The following HBD variants were observed in gnomAD, a reference collection of about 807,000 sequenced individuals.
HBD encodes delta globin.
HBD carries 11 observed loss-of-function variants against 9.2 expected under a neutral mutation model. The observed-to-expected ratio is 1.20, with a 90% CI of 0.76 to 1.99. The LOEUF is 1.99. Among genes scored for constraint, HBD ranks in the 30% most tolerant of loss-of-function variants. HBD has a pLI of 0.00. For synonymous variants in HBD, 83 were observed against 69.4 expected, an observed-to-expected ratio of 1.20 and a Z score of -0.98; for missense variants, 189 against 174.3, an observed-to-expected ratio of 1.08 and a Z score of -0.47.
At chr11:5,233,333 A>G (rs1168836666) in intron 2 of HBD, among the ~76,000 whole-genome samples, 1 of 152,216 alleles carries the variant, frequency 6.6e-6, no homozygotes, top group Non-Finnish European at 1.5e-5. Flanking sequence ...CATATATGCT[A>G]TATATGCTGT....
chr11:5,233,949 T>G, intron 2 of HBD, 42 bp downstream of exon 2: 2 of 1,574,106 alleles, frequency 1.3e-6, no homozygotes, highest in Non-Finnish European at 1.7e-6. Context: ...AATGTAAGAT[T>G]AGAAAGTAAA....
At chr11:5,233,264 CAT>C (rs113846417) in intron 2 of HBD, among the ~76,000 whole-genome samples, 172 bp from the exon 3 acceptor site, 2,269 of 152,112 alleles carry the variant, frequency 0.015, 34 homozygotes, top group African/African-American at 0.042. Flanking sequence ...ATACATATAA[CAT>C]ATATCTATAC....
chr11:5,234,360 C>T lies in HBD; in HGVS notation c.74G>A (p.Gly25Asp), dbSNP rs34460332. Residue 25 changes from glycine (G) to aspartate (D), a missense_variant, in exon 1 of 3, where the codon GGT becomes GAT. Physicochemically the swap from Gly to Asp is moderately conservative, Grantham distance 94 (BLOSUM62 -1). Coordinates refer to ENST00000650601, the MANE Select transcript of HBD (RefSeq NM_000519.4). ...LWGKVNVDAV[G>D]GEALGRLLVV... ...TACCAACCTGCCCAGGGCCTCACCA[C>T]CAACTGCATCCACGTTCACTTTGCC... The T allele has an allele frequency of 6.2e-7, 1 of 1,613,948 alleles. No individual in the cohort carries two copies. Among genetic ancestry groups the T allele is most frequent in the Non-Finnish European group, 8.5e-7 (1 of 1,179,842 alleles).
In HBD at chr11:5,234,384, C is replaced by T. The variant is rs1172700897; in HGVS notation, c.50G>A (p.Gly17Asp). ...ACCAACTGCATCCACGTTCACTTTG[C>T]CCCACAGGGCATTGACAGCAGTCTT... ...EEKTAVNALW[G>D]KVNVDAVGGE... Residue 17 changes from glycine (G) to aspartate (D), a missense_variant, in exon 1 of 3, where the codon GGC becomes GAC. Coordinates refer to ENST00000650601, the MANE Select transcript of HBD (RefSeq NM_000519.4). The T allele has an allele frequency of 1.2e-6, 2 of 1,614,022 alleles. No homozygotes were observed. The highest frequency in any genetic ancestry group is 1.7e-6 in the Non-Finnish European group (2 of 1,179,892).
Position 5,234,184 on chromosome 11 carries a change from C to G in HBD, c.122G>C (p.Arg41Thr). 1.9e-6 allele frequency: 3 copies of G among 1,614,120 alleles called. No homozygotes were observed. Among genetic ancestry groups the G allele is most frequent in the Non-Finnish European group, 2.5e-6 (3 of 1,179,976 alleles). ...CAGATCCCCAAAGGACTCAAAGAAC[C>G]TCTGGGTCCAAGGGTAGACCACCAG... is the stretch of plus-strand genomic sequence containing the variant. ...RLLVVYPWTQ[R>T]FFESFGDLSS... Residue 41 changes from arginine (R) to threonine (T), a missense_variant, in exon 2 of 3, where the codon AGG becomes ACG. Coordinates refer to ENST00000650601, the MANE Select transcript of HBD (RefSeq NM_000519.4).
intron 1 of HBD, 35 bp from the exon 2 acceptor site, chr11:5,234,248 T>A: frequency 6.2e-7 from 1 of 1,600,190 alleles, no homozygotes; most frequent in Non-Finnish European, 8.6e-7. Flanking sequence ...GGACAGAGAG[T>A]CAGTGCCTAT....
Position 5,234,480 on chromosome 11 carries a change from G to T in HBD, c.-47C>A. 2 of 1,398,436 alleles carry T rather than the reference G, an allele frequency of 1.4e-6. No individual in the cohort carries two copies. The highest frequency in any genetic ancestry group is 2.0e-6 in the Non-Finnish European group (2 of 983,222). The allele number at this position is 1,398,436 out of a possible 1,614,324, so 86.6% of individuals were successfully genotyped here. ...GTGAACACTGTTATGTCAGAAGAAA[G>T]TGTAAGCAACAGTCGACTCTGCCCT... On this transcript the variant is annotated 5_prime_UTR_variant, in exon 1 of 3. Coordinates refer to ENST00000650601, the MANE Select transcript of HBD (RefSeq NM_000519.4).
chr11:5,234,094 G>T lies in HBD; in HGVS notation c.212C>A (p.Ala71Asp), dbSNP rs63750423. 1.2e-6 allele frequency: 2 copies of T among 1,614,026 alleles called. No homozygotes were observed. Among genetic ancestry groups the T allele is most frequent in the Non-Finnish European group, 1.7e-6 (2 of 1,179,996 alleles). ...CAGGTGAGCCAGGCCATCACTAAAGGCACCTAGCACCTTCTTGCCATGAGC... is the reference window on the plus strand; with the variant it reads ...CAGGTGAGCCAGGCCATCACTAAAGTCACCTAGCACCTTCTTGCCATGAGC... ...VKAHGKKVLG[A>D]FSDGLAHLDN... Residue 71 changes from alanine to aspartate, a missense_variant, in exon 2 of 3, where the codon GCC becomes GAC. Ala to Asp is a moderately radical substitution (Grantham distance 126). Transcript: ENST00000650601.
Position 5,234,365 on chromosome 11 carries a change from T to G in HBD, c.69A>C (p.Ala23=), listed in dbSNP as rs1227500842. 2 of 1,613,936 alleles carry G rather than the reference T, an allele frequency of 1.2e-6. No individual in the cohort carries two copies. Among genetic ancestry groups the G allele is most frequent in the Non-Finnish European group, 1.7e-6 (2 of 1,179,848 alleles). The change falls in exon 1 of 3, where the codon GCA becomes GCC. Residue 23 remains alanine, a synonymous_variant. Coordinates refer to ENST00000650601, the MANE Select transcript of HBD (RefSeq NM_000519.4). Reference sequence around the variant, plus strand: ...ACCTGCCCAGGGCCTCACCACCAACTGCATCCACGTTCACTTTGCCCCACA... The same window carrying G: ...ACCTGCCCAGGGCCTCACCACCAACGGCATCCACGTTCACTTTGCCCCACA... ...NALWGKVNVD[A]VGGEALGRLL...
Position 5,234,366 on chromosome 11 carries a change from G to T in HBD, c.68C>A (p.Ala23Glu), listed in dbSNP as rs35395083. The T allele has an allele frequency of 1.5e-5, 24 of 1,613,674 alleles. 1 individual carries two copies. The African/African-American group carries it at 2.8e-4, about 19-fold the overall frequency. ...NALWGKVNVD[A>E]VGGEALGRLL... ...CCTGCCCAGGGCCTCACCACCAACT[G>T]CATCCACGTTCACTTTGCCCCACAG... is the stretch of plus-strand genomic sequence containing the variant. Residue 23 changes from alanine to glutamate, a missense_variant, in exon 1 of 3, where the codon GCA becomes GAA. Transcript: ENST00000650601.
intron 2 of HBD, 78 bp downstream of exon 2, chr11:5,233,913 G>A: frequency 8.5e-7 from 1 of 1,179,042 alleles, no homozygotes; most frequent in Non-Finnish European, 1.3e-6. Context: ...AAATGTGGGA[G>A]AAGAGCAGGT....
intron 2 of HBD, among the ~76,000 whole-genome samples, chr11:5,233,545 TTTCCA>T (rs1564878835): frequency 6.6e-6 from 1 of 152,200 alleles, no homozygotes; most frequent in Non-Finnish European, 1.5e-5. Flanking sequence ...TTCACTTTCC[TTTCCA>T]TTCCATTTAC....
In HBD at chr11:5,234,469, G is replaced by T; in HGVS notation, c.-36C>A. ...TGAGGTTGCTAGTGAACACTGTTAT[G>T]TCAGAAGAAAGTGTAAGCAACAGTC... On this transcript the variant is annotated 5_prime_UTR_variant, in exon 1 of 3. Coordinates refer to ENST00000650601, the MANE Select transcript of HBD (RefSeq NM_000519.4). 6.8e-7 allele frequency: 1 copy of T among 1,473,858 alleles called. No homozygotes were observed. The highest frequency in any genetic ancestry group is 9.5e-7 in the Non-Finnish European group (1 of 1,052,140). The allele number at this position is 1,473,858 out of a possible 1,614,324, so 91.3% of individuals were successfully genotyped here.
At chr11:5,233,125 T>C (rs1412601849) in intron 2 of HBD, 33 bp from the exon 3 acceptor site, 1 of 1,612,832 alleles carries the variant, frequency 6.2e-7, no homozygotes, top group African/African-American at 1.3e-5. Flanking sequence ...TACATGCATA[T>C]GGTTAACAGA....
At chr11:5,233,174 C>G (rs1286924798) in intron 2 of HBD, 82 bp from the exon 3 acceptor site, 1 of 1,490,428 alleles carries the variant, frequency 6.7e-7, no homozygotes, top group Non-Finnish European at 9.3e-7. Context: ...AGCCAACACC[C>G]ATTTTTTTCT....
chr11:5,234,369 T>C lies in HBD; in HGVS notation c.65A>G (p.Asp22Gly). 1 of 1,614,014 alleles carries C rather than the reference T, an allele frequency of 6.2e-7. No individual in the cohort carries two copies. Among genetic ancestry groups the C allele is most frequent in the Middle Eastern group, 1.7e-4 (1 of 6,060 alleles). The change falls in exon 1 of 3, where the codon GAT (aspartate) becomes GGT (glycine). Residue 22 changes from aspartate (D) to glycine (G), a missense_variant. By Grantham distance (94) the Asp-to-Gly change is moderately conservative (BLOSUM62 -1). Coordinates refer to ENST00000650601, the MANE Select transcript of HBD (RefSeq NM_000519.4). ...VNALWGKVNV[D>G]AVGGEALGRL... ...GCCCAGGGCCTCACCACCAACTGCA[T>C]CCACGTTCACTTTGCCCCACAGGGC...
Position 5,234,481 on chromosome 11 carries a change from T to C in HBD, c.-48A>G. 1 of 1,377,148 alleles carries C rather than the reference T, an allele frequency of 7.3e-7. No individual in the cohort carries two copies. The highest frequency in any genetic ancestry group is 1.0e-6 in the Non-Finnish European group (1 of 963,764). The allele number at this position is 1,377,148 out of a possible 1,614,324, so 85.3% of individuals were successfully genotyped here. ...TGAACACTGTTATGTCAGAAGAAAG[T>C]GTAAGCAACAGTCGACTCTGCCCTG... On this transcript the variant is annotated 5_prime_UTR_variant, in exon 1 of 3. Transcript: ENST00000650601.
intron 2 of HBD, 46 bp downstream of exon 2, chr11:5,233,945 A>G: frequency 6.4e-7 from 1 of 1,564,628 alleles, no homozygotes; most frequent in Admixed American, 1.7e-5. Flanking sequence ...CCAAAATGTA[A>G]GATTAGAAAG....
rs904259370 is a variant in HBD at position 5,232,874 on chromosome 11, C to T, written c.*90G>A. On this transcript the variant is annotated 3_prime_UTR_variant, in exon 3 of 3. Transcript: ENST00000650601. ...ATTCTTTATTAGGCAGAAGCCATAC[C>T]CTTGAAGTAGGCATTGTGTTCCCAA... 1 of 1,612,302 alleles carries T rather than the reference C, an allele frequency of 6.2e-7. No individual in the cohort carries two copies. Among genetic ancestry groups the T allele is most frequent in the Non-Finnish European group, 8.5e-7 (1 of 1,178,432 alleles).
Sources: gnomAD v4.1 joint callset for allele counts (sites outside exome capture counted in the v4.1 genomes callset) on GRCh38, gnomAD v4.1.1 for gene constraint, MANE v1.5 for transcripts, NCBI Gene and HGNC (gene_info 2026-07-23, HGNC 2026-07-21) for gene names.